The following EIPR1 variants were observed in gnomAD, a reference collection of about 807,000 sequenced individuals.
The protein encoded by EIPR1 is EARP and GARP complex-interacting protein 1.
A neutral mutation model predicts 48.1 loss-of-function variants in EIPR1; 25 were observed. The ratio of observed to expected loss-of-function variants is 0.52; its 90% CI spans 0.38 to 0.73. The LOEUF is 0.73. EIPR1 is among the 30% of genes least tolerant of loss of function. EIPR1 has a pLI of 0.00. For synonymous variants in EIPR1, 204 were observed against 201.9 expected (o/e 1.01, Z -0.09); for missense variants, 415 against 506.2 (o/e 0.82, Z 1.73).
At chr2:3,325,250 G>A (rs141637340) in intron 3 of EIPR1, among the ~76,000 whole-genome samples, 3,064 of 152,298 alleles carry the variant, frequency 0.02, 46 homozygotes, top group Non-Finnish European at 0.032. Context: ...TGTCCCCAGC[G>A]TGGGGCCCTG....
At chr2:3,211,186 C>CT (rs1405396765) in intron 5 of EIPR1, among the ~76,000 whole-genome samples, 1 of 151,998 alleles carries the variant, frequency 6.6e-6, no homozygotes, top group African/African-American at 2.4e-5. Flanking sequence ...CAAATGAATC[C>CT]ACCCATGGGC....
intron 4 of EIPR1, among the ~76,000 whole-genome samples, chr2:3,255,021 AT>A (rs1304762195): frequency 6.6e-6 from 1 of 152,210 alleles, no homozygotes; most frequent in African/African-American, 2.4e-5. Flanking sequence ...CAACCTCAAA[AT>A]AAAAAGCTTA....
chr2:3,240,566 T>G (rs1666577031), intron 4 of EIPR1, among the ~76,000 whole-genome samples: 1 of 143,496 alleles, frequency 7.0e-6, no homozygotes, highest in Non-Finnish European at 1.5e-5. Context: ...AGATCCCTCC[T>G]AAAGCAAAGC....
At chr2:3,317,006 G>A (rs1669324090) in intron 3 of EIPR1, among the ~76,000 whole-genome samples, 1 of 151,900 alleles carries the variant, frequency 6.6e-6, no homozygotes, top group Non-Finnish European at 1.5e-5. Flanking sequence ...AGGAGCACAT[G>A]AAGCACTGAC....
At chr2:3,337,993 G>T in intron 3 of EIPR1, 24 bp downstream of exon 3, 1 of 1,578,548 alleles carries the variant, frequency 6.3e-7, no homozygotes, top group Non-Finnish European at 8.6e-7. Flanking sequence ...CAGTTAGCAA[G>T]TACCTTAGAA....
intron 3 of EIPR1, among the ~76,000 whole-genome samples, chr2:3,330,927 A>ATGTACACTTGTGAGATG (rs1285903986): frequency 7.0e-6 from 1 of 143,714 alleles, no homozygotes; most frequent in Non-Finnish European, 1.5e-5. Flanking sequence ...GAGACTGGCA[A>ATGTACACTTGTGAGATG]GTGTACACTC....
At chr2:3,321,920 G>A (rs921383671) in intron 3 of EIPR1, among the ~76,000 whole-genome samples, 5 of 152,178 alleles carry the variant, frequency 3.3e-5, no homozygotes, top group Admixed American at 1.3e-4. Flanking sequence ...CAAAGGCCAC[G>A]CTGCCCACAG....
chr2:3,310,686 T>C (rs1037238914), intron 3 of EIPR1, among the ~76,000 whole-genome samples: 3 of 149,168 alleles, frequency 2.0e-5, no homozygotes, highest in African/African-American at 7.4e-5. Context: ...GTCTTGATAA[T>C]TTAAAACTAA....
At chr2:3,199,990 G>A (rs1212914462) in intron 5 of EIPR1, among the ~76,000 whole-genome samples, 1 of 151,992 alleles carries the variant, frequency 6.6e-6, no homozygotes, top group African/African-American at 2.4e-5. Flanking sequence ...TGACGGGTGT[G>A]TCTGCATCTG....
At chr2:3,251,842 A>C (rs922493811) in intron 4 of EIPR1, among the ~76,000 whole-genome samples, 1 of 152,186 alleles carries the variant, frequency 6.6e-6, no homozygotes, top group African/African-American at 2.4e-5. Flanking sequence ...TCATAATCAC[A>C]CTGTGAGGAA....
chr2:3,367,028 C>G (rs1017152554), intron 1 of EIPR1, among the ~76,000 whole-genome samples: 2 of 149,744 alleles, frequency 1.3e-5, no homozygotes, highest in East Asian at 3.9e-4. Context: ...CTGGGCCACA[C>G]AGCGAGACTC....
intron 1 of EIPR1, among the ~76,000 whole-genome samples, chr2:3,363,382 A>T (rs1438571845): frequency 6.6e-6 from 1 of 152,220 alleles, no homozygotes; most frequent in Non-Finnish European, 1.5e-5. Flanking sequence ...TGAAGGAATC[A>T]TCTTTCTAAA....
In EIPR1 at chr2:3,364,653, G is replaced by GA. The variant is rs548342426; in HGVS notation, c.43-10021dup. The stretch of plus-strand genomic sequence containing the variant: ...CTCCCTGTCTCAAAAAAAAAAGAAA[G>GA]AAAAAAAAAAAGAATGAAATCTTGT... On this transcript the variant is annotated intron_variant, in intron 1 of 8. Transcript: ENST00000382125. Among the ~76,000 whole-genome samples the GA allele has an allele frequency of 1.7e-3, 233 of 138,966 alleles. 1 individual carries two copies. The highest frequency in any genetic ancestry group is 3.3e-3 in the African/African-American group (125 of 37,908). The allele number at this position is 138,966 out of a possible 152,430, so 91.2% of individuals were successfully genotyped here. A position where few individuals can be genotyped will look rare whatever the true frequency, so the allele number is the denominator to read the frequency against.
Position 3,189,326 on chromosome 2 carries a change from C to A in EIPR1, c.*8G>T. On this transcript the variant is annotated 3_prime_UTR_variant, in exon 9 of 9. Coordinates refer to ENST00000382125, the MANE Select transcript of EIPR1 (RefSeq NM_003310.5). The surrounding 1 kb of genome is among the most constrained non-coding windows in gnomAD (Gnocchi z 4.6). ...CTCAATGGGACCTGGATAACCCAGG[C>A]CCGGGAGTCATAGCAGGATGTGGTA... 1.3e-6 allele frequency: 2 copies of A among 1,570,534 alleles called. No homozygotes were observed. The highest frequency in any genetic ancestry group is 8.7e-7 in the Non-Finnish European group (1 of 1,149,310).
intron 5 of EIPR1, among the ~76,000 whole-genome samples, chr2:3,209,481 T>C (rs1457817529): frequency 6.6e-6 from 1 of 152,242 alleles, no homozygotes; most frequent in Non-Finnish European, 1.5e-5. Context: ...CCCAGGCACC[T>C]TGTGCATCTT....
At chr2:3,237,425 T>G (rs1666444154) in intron 4 of EIPR1, among the ~76,000 whole-genome samples, 1 of 152,220 alleles carries the variant, frequency 6.6e-6, no homozygotes, top group South Asian at 2.1e-4. Flanking sequence ...TCCAGTCTAT[T>G]GTTACAGGTG....
chr2:3,359,330 C>T (rs1008302097), intron 1 of EIPR1, among the ~76,000 whole-genome samples: 1 of 152,134 alleles, frequency 6.6e-6, no homozygotes, highest in African/African-American at 2.4e-5. Flanking sequence ...TGAGTGACAA[C>T]AATGAACCGG....
At chr2:3,292,103 C>G (rs954150507) in intron 3 of EIPR1, among the ~76,000 whole-genome samples, 1 of 152,230 alleles carries the variant, frequency 6.6e-6, no homozygotes, top group African/African-American at 2.4e-5. Flanking sequence ...TGGCTCCATG[C>G]TAACATCACT....
intron 3 of EIPR1, among the ~76,000 whole-genome samples, chr2:3,321,293 T>TGCACAG (rs1196156795): frequency 2.0e-5 from 3 of 152,202 alleles, no homozygotes; most frequent in Admixed American, 6.5e-5. Flanking sequence ...GTCAATCTTT[T>TGCACAG]AACATCTGCA....
Sources: gnomAD v4.1 joint callset for allele counts (sites outside exome capture counted in the v4.1 genomes callset) on GRCh38, gnomAD v4.1.1 for gene constraint, Gnocchi (gnomAD v3.1) non-coding constraint, MANE v1.5 for transcripts, NCBI Gene and HGNC (gene_info 2026-07-23, HGNC 2026-07-21) for gene names.